Variants in GOLGA6B observed in about 807,000 individuals in gnomAD.
GOLGA6B encodes the protein golgin A6 family member B.
In GOLGA6B, 11 loss-of-function variants were observed where a neutral mutation model predicts 63.0. The observed-to-expected ratio is 0.17, with a 90% confidence interval of 0.11 to 0.29. The LOEUF (loss-of-function observed/expected upper bound fraction) is 0.29. Among genes scored for constraint, GOLGA6B ranks in the 10% least tolerant of loss-of-function variants. The pLI is 1.00. For synonymous variants in GOLGA6B, 46 were observed against 232.6 expected (o/e 0.20, Z 7.30); for missense variants, 134 against 563.8 (o/e 0.24, Z 7.72).
Position 72,662,297 on chromosome 15 carries a change from AAC to A in GOLGA6B, c.895_896del (p.Gln299AlafsTer4). ...CCCCCAGCAGTGACCTCTGTGGTGG[AAC>A]AGCTACAAGATGAGGCCAAACACCT... On this transcript the variant is annotated frameshift_variant, in exon 11 of 18. Transcript: ENST00000421285. LOFTEE classifies it high-confidence loss of function. The A allele has an allele frequency of 7.2e-7, 1 of 1,381,588 alleles. No homozygotes were observed. Among genetic ancestry groups the A allele is most frequent in the Admixed American group, 1.9e-5 (1 of 51,756 alleles). 85.6% of individuals were successfully genotyped at this position (1,381,588 alleles called of 1,614,324 possible).
Position 72,668,043 on chromosome 15 carries a change from GC to G in GOLGA6B, c.*1702del. ...TAAGATGCTTGGGAAAGAATCAACA[GC>G]TAAAAGTTCATGAAGTTCTAATGTC... On this transcript the variant is annotated 3_prime_UTR_variant, in exon 18 of 18. Coordinates refer to ENST00000421285, the MANE Select transcript of GOLGA6B (RefSeq NM_018652.5). Among the ~76,000 whole-genome samples the G allele has an allele frequency of 9.0e-6, 1 of 111,624 alleles. No homozygotes were observed. The highest frequency in any genetic ancestry group is 1.1e-4 in the Admixed American group (1 of 9,090). The allele number at this position is 111,624 out of a possible 152,430, so 73.2% of individuals were successfully genotyped here. A position where few individuals can be genotyped will look rare whatever the true frequency, so the allele number is the denominator to read the frequency against.
chr15:72,664,417 C>T lies in GOLGA6B; in HGVS notation c.1426-19C>T, dbSNP rs769049874. 7.6e-7 allele frequency: 1 copy of T among 1,321,474 alleles called. No individual in the cohort carries two copies. Among genetic ancestry groups the T allele is most frequent in the Non-Finnish European group, 1.0e-6 (1 of 962,246 alleles). The allele number at this position is 1,321,474 out of a possible 1,614,324, so 81.9% of individuals were successfully genotyped here. On this transcript the variant is annotated intron_variant, in intron 12 of 17. Coordinates refer to ENST00000421285, the MANE Select transcript of GOLGA6B (RefSeq NM_018652.5). ...CTGGCAACCTCCGTGCCTTCTCACTCTGTTTCCCGTCCCCTTAGGAGCACC... is the reference window on the plus strand; with the variant it reads ...CTGGCAACCTCCGTGCCTTCTCACTTTGTTTCCCGTCCCCTTAGGAGCACC...
At chr15:72,662,799 TC>T in intron 11 of GOLGA6B, 39 bp downstream of exon 11, 1 of 1,473,670 alleles carries the variant, frequency 6.8e-7, no homozygotes. Context: ...CTCATCCCTA[TC>T]CCTCCAGGCC....
chr15:72,662,328 G>T lies in GOLGA6B; in HGVS notation c.924G>T (p.Arg308Ser). Residue 308 changes from arginine to serine, a missense_variant, in exon 11 of 18, where the codon AGG (arginine) becomes AGT (serine). Physicochemically the swap from Arg to Ser is moderately radical, Grantham distance 110. Coordinates refer to ENST00000421285, the MANE Select transcript of GOLGA6B (RefSeq NM_018652.5). ...TACAAGATGAGGCCAAACACCTGAG[G>T]CAGGAGGTGGAAGGTCTGGAGGGAA... ...EQLQDEAKHL[R>S]QEVEGLEGKL... 2.2e-6 allele frequency: 3 copies of T among 1,391,124 alleles called. 1 individual carries two copies. Among genetic ancestry groups the T allele is most frequent in the Non-Finnish European group, 2.9e-6 (3 of 1,025,576 alleles). 86.2% of individuals were successfully genotyped at this position (1,391,124 alleles called of 1,614,324 possible). A position where few individuals can be genotyped will look rare whatever the true frequency, so the allele number is the denominator to read the frequency against.
At position 72,667,669 on chromosome 15, in the gene GOLGA6B, TAAC is replaced by T. The variant is rs1290361558; in HGVS notation, c.*1331_*1333del. ...TGAATGGAAAACACTTTAAAAATAATAACAACCATTATTATAAACCAATATATG... is the reference window on the plus strand; with the variant it reads ...TGAATGGAAAACACTTTAAAAATAATAACCATTATTATAAACCAATATATG... On this transcript the variant is annotated 3_prime_UTR_variant, in exon 18 of 18. Coordinates refer to ENST00000421285, the MANE Select transcript of GOLGA6B (RefSeq NM_018652.5). 1.3e-5 allele frequency among the ~76,000 whole-genome samples: 2 copies of T among 152,020 alleles called. No individual in the cohort carries two copies. The highest frequency in any genetic ancestry group is 6.6e-5 in the Admixed American group (1 of 15,250).
rs2064649732 is a variant in GOLGA6B, at chr15:72,668,876, A to C, written c.*2534A>C. Among the ~76,000 whole-genome samples the C allele has an allele frequency of 1.4e-5, 2 of 146,874 alleles. No individual in the cohort carries two copies. Among genetic ancestry groups the C allele is most frequent in the African/African-American group, 4.9e-5 (2 of 40,532 alleles). On this transcript the variant is annotated 3_prime_UTR_variant, in exon 18 of 18. Transcript: ENST00000421285. ...AGGTATTCTGTCATATATTTAAGAAAAATTAAATAGCATGTAAATCATATA... is the reference window on the plus strand; with the variant it reads ...AGGTATTCTGTCATATATTTAAGAACAATTAAATAGCATGTAAATCATATA...
intron 10 of GOLGA6B, 42 bp from the exon 11 acceptor site, chr15:72,662,210 T>C (rs778537403): frequency 7.7e-7 from 1 of 1,293,584 alleles, no homozygotes; most frequent in Non-Finnish European, 1.0e-6. Context: ...GGTAGAGGGG[T>C]TGGGGAATCC....
intron 12 of GOLGA6B, among the ~76,000 whole-genome samples, chr15:72,663,937 G>A (rs1174477854): frequency 2.3e-5 from 3 of 130,458 alleles, no homozygotes; most frequent in East Asian, 2.4e-4. Flanking sequence ...TGGGAAGAAG[G>A]ACATGAGATT....
Position 72,664,244 on chromosome 15 carries a change from C to T in GOLGA6B, c.1426-192C>T, listed in dbSNP as rs577189231. On this transcript the variant is annotated intron_variant, in intron 12 of 17. Coordinates refer to ENST00000421285, the MANE Select transcript of GOLGA6B (RefSeq NM_018652.5). ...GCTGACCTCTGAGAAGGAGGCGCTG[C>T]ACAGGCAGTTACTGCTGCAGACCCA... 2.3e-5 allele frequency among the ~76,000 whole-genome samples: 3 copies of T among 130,488 alleles called. 1 individual carries two copies. The highest frequency in any genetic ancestry group is 5.5e-4 in the South Asian group (2 of 3,608). 85.6% of individuals were successfully genotyped at this position (130,488 alleles called of 152,430 possible).
At position 72,669,207 on chromosome 15, in the gene GOLGA6B, C is replaced by G. The variant is rs1403215954; in HGVS notation, c.*2865C>G. Among the ~76,000 whole-genome samples, 1 of 152,146 alleles carries G rather than the reference C, an allele frequency of 6.6e-6. No homozygotes were observed. Among genetic ancestry groups the G allele is most frequent in the Non-Finnish European group, 1.5e-5 (1 of 68,020 alleles). ...AATGAAAACAAGTCAGTTCTAAAAC[C>G]AAAGCTGATATTTAGAAAATGTGAA... is the stretch of plus-strand genomic sequence containing the variant. On this transcript the variant is annotated 3_prime_UTR_variant, in exon 18 of 18. Transcript: ENST00000421285.
chr15:72,664,386 G>T lies in GOLGA6B; in HGVS notation c.1426-50G>T, dbSNP rs547115028. ...TTGCTGAGGACGGGGCCCCGAGGGG[G>T]ATGACCTGGCAACCTCCGTGCCTTC... On this transcript the variant is annotated intron_variant, in intron 12 of 17. Transcript: ENST00000421285. 627 of 1,311,790 alleles carry T rather than the reference G, an allele frequency of 4.8e-4. 138 individuals are homozygous for T. The East Asian group carries it at 0.013, about 28-fold the overall frequency. 81.3% of individuals were successfully genotyped at this position (1,311,790 alleles called of 1,614,324 possible). A position where few individuals can be genotyped will look rare whatever the true frequency, so the allele number is the denominator to read the frequency against.
chr15:72,657,417 C>T (rs1350630836), intron 2 of GOLGA6B, among the ~76,000 whole-genome samples: 2 of 151,310 alleles, frequency 1.3e-5, no homozygotes, highest in East Asian at 3.9e-4. Flanking sequence ...TTTTCCTGCC[C>T]CTGGCAAGGC....
intron 7 of GOLGA6B, among the ~76,000 whole-genome samples, chr15:72,660,668 A>C (rs1236972393): frequency 7.1e-4 from 79 of 111,420 alleles, no homozygotes; most frequent in Admixed American, 2.4e-3. Flanking sequence ...TAAAAAACTC[A>C]GGAGAGAGTA....
rs1384505757 is a variant in GOLGA6B, at chr15:72,666,320, C to T, written c.2060C>T (p.Ser687Phe). 2 of 1,561,350 alleles carry T rather than the reference C, an allele frequency of 1.3e-6. No individual in the cohort carries two copies. The highest frequency in any genetic ancestry group is 3.6e-5 in the Admixed American group (2 of 54,898). The change falls in exon 18 of 18, where the codon TCT becomes TTT. Residue 687 changes from serine to phenylalanine, a missense_variant. Ser to Phe is a radical substitution (Grantham distance 155). Coordinates refer to ENST00000421285, the MANE Select transcript of GOLGA6B (RefSeq NM_018652.5). ...NPTVQQIVQLSPVMQDT is the reference protein window; with the variant it reads ...NPTVQQIVQLFPVMQDT Reference sequence around the variant, plus strand: ...ACTGTACAGCAGATCGTGCAGCTGTCTCCTGTCATGCAGGACACCTAGGAG... The same window carrying T: ...ACTGTACAGCAGATCGTGCAGCTGTTTCCTGTCATGCAGGACACCTAGGAG...
intron 12 of GOLGA6B, among the ~76,000 whole-genome samples, 161 bp from the exon 13 acceptor site, chr15:72,664,275 T>G (rs1405380475): frequency 7.7e-6 from 1 of 130,002 alleles, no homozygotes; most frequent in African/African-American, 2.6e-5. Context: ...ACCCAGCTCG[T>G]GGACCAGCTG....
intron 2 of GOLGA6B, among the ~76,000 whole-genome samples, chr15:72,657,319 G>A (rs2064580819): frequency 7.5e-6 from 1 of 133,912 alleles, no homozygotes; most frequent in Non-Finnish European, 1.6e-5. Flanking sequence ...GGCCTGAGGA[G>A]AGGGGTCCAG....
intron 14 of GOLGA6B, among the ~76,000 whole-genome samples, chr15:72,665,337 C>T (rs1431996124): frequency 2.8e-5 from 2 of 70,494 alleles, no homozygotes; most frequent in Admixed American, 1.7e-4. Context: ...GGAGCAGGCA[C>T]GGCTATGTGG....
At chr15:72,663,830 G>A (rs28666022) in intron 12 of GOLGA6B, among the ~76,000 whole-genome samples, 54,951 of 124,390 alleles carry the variant, frequency 0.44, 20,665 homozygotes, top group Non-Finnish European at 0.65. Context: ...GATTGAATGA[G>A]AGAATACCTG....
chr15:72,664,342 G>T, intron 12 of GOLGA6B, 94 bp from the exon 13 acceptor site: 1 of 1,246,694 alleles, frequency 8.0e-7, no homozygotes, highest in Non-Finnish European at 1.1e-6. Flanking sequence ...AAAAGTTGCA[G>T]GAGACCCAGG....
Sources: gnomAD v4.1 joint callset for allele counts (sites outside exome capture counted in the v4.1 genomes callset) on GRCh38, gnomAD v4.1.1 for gene constraint, MANE v1.5 for transcripts, NCBI Gene and HGNC (gene_info 2026-07-23, HGNC 2026-07-21) for gene names.